Variants in MAN2A1 observed in about 807,000 individuals in gnomAD.
MAN2A1 encodes the protein alpha-mannosidase 2.
Under a neutral mutation model 142.6 loss-of-function variants are expected in MAN2A1, and 76 were observed. The observed-to-expected ratio is 0.53, with a 90% CI of 0.44 to 0.65. MAN2A1 has a LOEUF of 0.65. Among genes scored for constraint, MAN2A1 ranks in the 30% least tolerant of loss-of-function variants. MAN2A1 has a pLI of 0.00. For missense variants in MAN2A1, 1,311 were observed against 1,365.1 expected, an observed-to-expected ratio of 0.96 and a Z score of 0.62; for synonymous variants, 559 against 473.2, an observed-to-expected ratio of 1.18 and a Z score of -2.35.
chr5:109,762,612 G>A (rs941791066), intron 5 of MAN2A1, among the ~76,000 whole-genome samples: 9 of 152,062 alleles, frequency 5.9e-5, no homozygotes, highest in Non-Finnish European at 1.3e-4. Context: ...AATGTGGCAG[G>A]GTCAGTCTGA....
chr5:109,800,143 G>GCACA (rs200136681), intron 12 of MAN2A1, among the ~76,000 whole-genome samples: 1 of 150,756 alleles, frequency 6.6e-6, no homozygotes, highest in Non-Finnish European at 1.5e-5. Context: ...ACCCGAATGT[G>GCACA]CACACACACA....
intron 1 of MAN2A1, among the ~76,000 whole-genome samples, chr5:109,709,677 T>C (rs1385888144): frequency 1.3e-5 from 2 of 152,244 alleles, no homozygotes; most frequent in Non-Finnish European, 2.9e-5. Flanking sequence ...TCTAAATTTG[T>C]TCTCTCAAAG....
chr5:109,714,063 G>A (rs1445162919), intron 2 of MAN2A1, among the ~76,000 whole-genome samples: 1 of 151,762 alleles, frequency 6.6e-6, no homozygotes, highest in Admixed American at 6.6e-5. Context: ...AACCTTTAAA[G>A]GTTTAAATTT....
At chr5:109,788,847 G>A in intron 10 of MAN2A1, 87 bp from the exon 11 acceptor site, 1 of 651,774 alleles carries the variant, frequency 1.5e-6, no homozygotes, top group Non-Finnish European at 2.8e-6. Context: ...GAAGATACTG[G>A]TGGTTTGGCT....
At chr5:109,801,801 T>G (rs925756667) in intron 12 of MAN2A1, among the ~76,000 whole-genome samples, 1 of 152,168 alleles carries the variant, frequency 6.6e-6, no homozygotes, top group African/African-American at 2.4e-5. Context: ...ACTGAAAAAT[T>G]TTCTACATAT....
At chr5:109,750,217 A>T (rs2112619879) in intron 4 of MAN2A1, among the ~76,000 whole-genome samples, 1 of 151,986 alleles carries the variant, frequency 6.6e-6, no homozygotes, top group Non-Finnish European at 1.5e-5. Flanking sequence ...TGCTTCCTTA[A>T]GTGCTTATCA....
intron 4 of MAN2A1, among the ~76,000 whole-genome samples, chr5:109,743,809 G>C (rs1189975865): frequency 6.6e-6 from 1 of 152,162 alleles, no homozygotes. Flanking sequence ...CACCATGTTT[G>C]CTTTAAAATG....
chr5:109,716,710 G>T (rs1218508796), intron 3 of MAN2A1, among the ~76,000 whole-genome samples: 4 of 152,140 alleles, frequency 2.6e-5, no homozygotes, highest in Non-Finnish European at 5.9e-5. Context: ...TTGGTTTCAG[G>T]CACATACGAA....
At chr5:109,775,771 C>G (rs958430354) in intron 8 of MAN2A1, among the ~76,000 whole-genome samples, 1 of 152,074 alleles carries the variant, frequency 6.6e-6, no homozygotes, top group Non-Finnish European at 1.5e-5. Flanking sequence ...AAAAAACTAA[C>G]AATAATTTCA....
chr5:109,704,928 C>T (rs1343630968), intron 1 of MAN2A1, among the ~76,000 whole-genome samples: 1 of 152,162 alleles, frequency 6.6e-6, no homozygotes, highest in African/African-American at 2.4e-5. Context: ...ATTCTGGCCA[C>T]TCAAGTTTAT....
At chr5:109,729,220 A>G (rs562379406) in intron 3 of MAN2A1, 122 bp from the exon 4 acceptor site, 4 of 569,156 alleles carry the variant, frequency 7.0e-6, no homozygotes, top group Admixed American at 7.9e-5. Context: ...CACCTGTTAA[A>G]TTTAAAAATA....
rs1190673372 is a variant in MAN2A1 at position 109,690,055 on chromosome 5, G to A, written c.-363G>A. ...AAACTTTTCCTGCCGACTCAGTTGG[G>A]GCGGCGGTGGCAGGAAGTGCGGGCA... On this transcript the variant is annotated 5_prime_UTR_variant, in exon 1 of 22. Transcript: ENST00000261483. The A allele has an allele frequency of 1.3e-4, 29 of 230,606 alleles. No individual in the cohort carries two copies. Among genetic ancestry groups the A allele is most frequent in the Non-Finnish European group, 2.2e-4 (26 of 115,842 alleles). The allele number at this position is 230,606 out of a possible 1,614,324, so 14.3% of individuals were successfully genotyped here. A position where few individuals can be genotyped will look rare whatever the true frequency, so the allele number is the denominator to read the frequency against.
chr5:109,799,110 C>T (rs1753945341), intron 12 of MAN2A1, among the ~76,000 whole-genome samples: 1 of 152,128 alleles, frequency 6.6e-6, no homozygotes, highest in Admixed American at 6.5e-5. Context: ...GACAGATGTC[C>T]CTGCCTCACA....
chr5:109,781,786 A>G (rs1013161034), intron 9 of MAN2A1, among the ~76,000 whole-genome samples, 188 bp downstream of exon 9: 1 of 152,196 alleles, frequency 6.6e-6, no homozygotes, highest in Admixed American at 6.5e-5. Flanking sequence ...CAATCAAATT[A>G]TTACATGGGT....
At chr5:109,815,275 A>G (rs1754423789) in intron 12 of MAN2A1, among the ~76,000 whole-genome samples, 1 of 152,154 alleles carries the variant, frequency 6.6e-6, no homozygotes, top group African/African-American at 2.4e-5. Flanking sequence ...AAATAGATTG[A>G]CAAATCTCTG....
chr5:109,770,061 C>T (rs958363886), intron 6 of MAN2A1, among the ~76,000 whole-genome samples: 2 of 152,144 alleles, frequency 1.3e-5, no homozygotes, highest in African/African-American at 4.8e-5. Context: ...GTAACTTTTA[C>T]GGCTGCTCAG....
At chr5:109,845,573 A>G (rs1183783865) in intron 17 of MAN2A1, among the ~76,000 whole-genome samples, 2 of 152,196 alleles carry the variant, frequency 1.3e-5, no homozygotes, top group African/African-American at 4.8e-5. Context: ...TTATGCAAAT[A>G]TTGGAGAGCT....
At chr5:109,770,638 A>G in intron 7 of MAN2A1, 97 bp downstream of exon 7, 1 of 1,072,466 alleles carries the variant, frequency 9.3e-7, no homozygotes, top group Non-Finnish European at 1.4e-6. Context: ...TTATTAGCCA[A>G]CATTATCCTT....
intron 16 of MAN2A1, among the ~76,000 whole-genome samples, chr5:109,839,609 C>T (rs750438979): frequency 3.2e-4 from 47 of 145,512 alleles, no homozygotes; most frequent in Non-Finnish European, 6.1e-4. Context: ...CCCAGGAGTT[C>T]GAGGCCAGCC....
Sources: allele counts gnomAD v4.1 joint callset (sites outside exome capture counted in the v4.1 genomes callset), GRCh38; gene constraint gnomAD v4.1.1; transcripts MANE v1.5; gene names NCBI Gene and HGNC (gene_info 2026-07-23, HGNC 2026-07-21).